Variants in GRAMD2A observed in about 807,000 individuals in gnomAD.
The protein encoded by GRAMD2A is GRAM domain-containing protein 2A.
A neutral mutation model predicts 51.1 loss-of-function variants in GRAMD2A; 37 were observed. That is an observed-to-expected ratio of 0.72 (90% CI 0.56 to 0.95). The LOEUF (loss-of-function observed/expected upper bound fraction) is 0.95, where lower values mean the gene tolerates loss of function less well. Among genes scored for constraint, GRAMD2A ranks in the 40% least tolerant of loss-of-function variants. The probability of loss-of-function intolerance (pLI) is 0.00; values close to 1 mark genes in which losing one functional copy is unlikely to be tolerated. For synonymous variants in GRAMD2A, 136 were observed against 157.1 expected (o/e 0.87, Z 1.01); for missense variants, 414 against 426.9 (o/e 0.97, Z 0.27).
At chr15:72,193,571 G>A (rs1185751582) in intron 1 of GRAMD2A, among the ~76,000 whole-genome samples, 2 of 149,482 alleles carry the variant, frequency 1.3e-5, no homozygotes, top group Non-Finnish European at 3.0e-5. Flanking sequence ...CGCCCAGGCT[G>A]GAGTACAGTG....
chr15:72,186,322 T>A (rs973554967), intron 1 of GRAMD2A, among the ~76,000 whole-genome samples: 1 of 151,576 alleles, frequency 6.6e-6, no homozygotes, highest in African/African-American at 2.4e-5. Flanking sequence ...TTTATTTATT[T>A]ATTTAATTTT....
In GRAMD2A at chr15:72,181,473, A is replaced by G. The variant is rs180804959; in HGVS notation, c.42-11534T>C. 7.7e-4 allele frequency among the ~76,000 whole-genome samples: 118 copies of G among 152,306 alleles called. 1 individual carries two copies. Among genetic ancestry groups the G allele is most frequent in the Middle Eastern group, 3.4e-3 (1 of 294 alleles). On this transcript the variant is annotated intron_variant, in intron 1 of 11. Coordinates refer to ENST00000309731, the MANE Select transcript of GRAMD2A (RefSeq NM_001012642.3). ...CTGGACAACTCTCTCATCCTTTGTTATGTTCACAATTTTCCATGGAGAGAG... is the reference window on the plus strand; with the variant it reads ...CTGGACAACTCTCTCATCCTTTGTTGTGTTCACAATTTTCCATGGAGAGAG...
intron 10 of GRAMD2A, chr15:72,162,887 G>T: frequency 4.2e-6 from 1 of 236,290 alleles, no homozygotes; most frequent in Non-Finnish European, 8.3e-6. Flanking sequence ...CTTAGACAGA[G>T]GTAGAGACAA....
At chr15:72,195,218 C>T (rs2081796094) in intron 1 of GRAMD2A, among the ~76,000 whole-genome samples, 1 of 152,206 alleles carries the variant, frequency 6.6e-6, no homozygotes, top group Non-Finnish European at 1.5e-5. Flanking sequence ...TGGATGACTG[C>T]ATGCAGAAGG....
intron 1 of GRAMD2A, among the ~76,000 whole-genome samples, chr15:72,172,131 T>C (rs1412575553): frequency 6.6e-6 from 1 of 151,666 alleles, no homozygotes; most frequent in African/African-American, 2.4e-5. Context: ...CGGCCTTTTT[T>C]TTTTTGAGAC....
At chr15:72,163,225 A>G (rs777985119) in intron 10 of GRAMD2A, 41 bp downstream of exon 10, 16 of 1,367,992 alleles carry the variant, frequency 1.2e-5, no homozygotes, top group Middle Eastern at 1.8e-4. Context: ...GCACCTAGAC[A>G]TGCAGGTGGG....
At chr15:72,169,815 T>C (rs1013587334) in intron 2 of GRAMD2A, 32 bp downstream of exon 2, 5 of 1,522,096 alleles carry the variant, frequency 3.3e-6, no homozygotes, top group African/African-American at 1.4e-5. Context: ...CTCTAGTCTG[T>C]GTGTATCTAT....
At chr15:72,193,128 A>AAAAT (rs1407990059) in intron 1 of GRAMD2A, among the ~76,000 whole-genome samples, 2 of 152,030 alleles carry the variant, frequency 1.3e-5, no homozygotes, top group South Asian at 2.1e-4. Flanking sequence ...GTTCGTCTCA[A>AAAAT]AAATAAATAA....
At chr15:72,171,095 AC>A (rs970954561) in intron 1 of GRAMD2A, among the ~76,000 whole-genome samples, 38 of 152,310 alleles carry the variant, frequency 2.5e-4, no homozygotes, top group African/African-American at 8.9e-4. Flanking sequence ...CAGTGACCTC[AC>A]CCACAAAATC....
intron 1 of GRAMD2A, among the ~76,000 whole-genome samples, chr15:72,177,506 G>A (rs1053840768): frequency 3.3e-5 from 5 of 152,140 alleles, no homozygotes; most frequent in Non-Finnish European, 7.3e-5. Flanking sequence ...ATACATACTC[G>A]TGTATGTGTC....
chr15:72,178,045 G>A (rs1465410897), intron 1 of GRAMD2A, among the ~76,000 whole-genome samples: 1 of 152,080 alleles, frequency 6.6e-6, no homozygotes, highest in Non-Finnish European at 1.5e-5. Context: ...GCTTTTAAAG[G>A]CTCCCAGGTG....
At chr15:72,187,492 A>C (rs1463885951) in intron 1 of GRAMD2A, among the ~76,000 whole-genome samples, 1 of 151,658 alleles carries the variant, frequency 6.6e-6, no homozygotes, top group African/African-American at 2.4e-5. Context: ...CTAAAAAAAA[A>C]ACAACAGTAA....
intron 1 of GRAMD2A, 39 bp downstream of exon 1, chr15:72,197,691 CG>C: frequency 7.8e-7 from 1 of 1,279,764 alleles, no homozygotes; most frequent in Non-Finnish European, 9.9e-7. Context: ...CGGCGGCCTC[CG>C]GAACCCCCGA....
intron 9 of GRAMD2A, 54 bp from the exon 10 acceptor site, chr15:72,163,530 G>C: frequency 6.3e-7 from 1 of 1,597,522 alleles, no homozygotes; most frequent in South Asian, 1.1e-5. Context: ...TGCTGGCTGT[G>C]GTGAGCCCTT....
intron 8 of GRAMD2A, among the ~76,000 whole-genome samples, chr15:72,165,032 G>A (rs998460887): frequency 6.6e-6 from 1 of 152,234 alleles, no homozygotes; most frequent in African/African-American, 2.4e-5. Flanking sequence ...CCAGCTACTT[G>A]GGAGGGTGAG....
intron 1 of GRAMD2A, among the ~76,000 whole-genome samples, chr15:72,192,091 T>C (rs1355619938): frequency 6.6e-6 from 1 of 152,234 alleles, no homozygotes; most frequent in Admixed American, 6.5e-5. Context: ...CATTGAAATA[T>C]TTTTGGATAA....
chr15:72,180,350 G>A (rs2081687478), intron 1 of GRAMD2A, among the ~76,000 whole-genome samples: 2 of 152,228 alleles, frequency 1.3e-5, no homozygotes, highest in African/African-American at 4.8e-5. Context: ...GGCCACTTGG[G>A]GCTTGGCCAT....
intron 3 of GRAMD2A, 44 bp from the exon 4 acceptor site, chr15:72,168,610 A>G: frequency 2.0e-6 from 3 of 1,530,934 alleles, no homozygotes; most frequent in Non-Finnish European, 2.7e-6. Flanking sequence ...GGGAGATGAG[A>G]CCGCCAAAGG....
intron 1 of GRAMD2A, among the ~76,000 whole-genome samples, chr15:72,174,452 C>T (rs1053774561): frequency 4.6e-5 from 7 of 152,220 alleles, no homozygotes; most frequent in Non-Finnish European, 8.8e-5. Context: ...CTGTCCCATC[C>T]AGTCCCGTCC....
Sources: allele counts gnomAD v4.1 joint callset (sites outside exome capture counted in the v4.1 genomes callset), GRCh38; gene constraint gnomAD v4.1.1; transcripts MANE v1.5; gene names NCBI Gene and HGNC (gene_info 2026-07-23, HGNC 2026-07-21).